The following ATR variants were observed in gnomAD, a reference collection of about 807,000 sequenced individuals.
ATR encodes the protein ATR checkpoint kinase.
In ATR, 142 loss-of-function variants were observed where a neutral mutation model predicts 305.3. That is an observed-to-expected ratio of 0.47 (90% CI 0.41 to 0.53). The LOEUF (loss-of-function observed/expected upper bound fraction) is 0.53. ATR is among the 20% of genes least tolerant of loss of function. The probability of loss-of-function intolerance (pLI) is 0.00; values close to 1 mark genes in which losing one functional copy is unlikely to be tolerated. For missense variants in ATR, 2,135 were observed against 3,133.1 expected (o/e 0.68, Z 7.60); for synonymous variants, 1,050 against 1,068.1 (o/e 0.98, Z 0.33).
At chr3:142,549,819 A>G in intron 14 of ATR, 146 bp from the exon 15 acceptor site, 1 of 768,940 alleles carries the variant, frequency 1.3e-6, no homozygotes. Flanking sequence ...TAGATCATTT[A>G]TACCACTATA....
chr3:142,505,378 T>C, intron 28 of ATR, 75 bp from the exon 29 acceptor site: 9 of 1,563,172 alleles, frequency 5.8e-6, no homozygotes, highest in Non-Finnish European at 7.8e-6. Context: ...AAACCACCTG[T>C]TTATATTGAA....
chr3:142,554,043 A>ATTTAACAT (rs2034575149), intron 10 of ATR, 28 bp from the exon 11 acceptor site: 1 of 1,530,856 alleles, frequency 6.5e-7, no homozygotes, highest in African/African-American at 1.4e-5. Flanking sequence ...ACAATACCTA[A>ATTTAACAT]TTTAACATAT....
At chr3:142,542,848 T>C in intron 16 of ATR, 91 bp from the exon 17 acceptor site, 1 of 1,052,810 alleles carries the variant, frequency 9.5e-7, no homozygotes, top group East Asian at 2.6e-5. Context: ...TCATTTATAT[T>C]TTACCTAACT....
intron 19 of ATR, among the ~76,000 whole-genome samples, chr3:142,537,255 A>T (rs1489723518): frequency 2.0e-5 from 3 of 148,362 alleles, no homozygotes; most frequent in Non-Finnish European, 4.5e-5. Flanking sequence ...TTTTTTTTTT[A>T]AATGTTTCTG....
At chr3:142,510,696 TTAGA>T (rs2032507682) in intron 27 of ATR, among the ~76,000 whole-genome samples, 1 of 144,004 alleles carries the variant, frequency 6.9e-6, no homozygotes, top group Non-Finnish European at 1.5e-5. Context: ...TTAAGGACTG[TTAGA>T]TAGTTTTTCA....
At position 142,559,268 on chromosome 3, in the gene ATR, G is replaced by A. The variant is rs2108479431; in HGVS notation, c.1715C>T (p.Ala572Val). The change falls in exon 7 of 47, where the codon GCT (alanine) becomes GTT (valine). Residue 572 changes from alanine to valine, a missense_variant. Ala to Val is a moderately conservative substitution (Grantham distance 64). Transcript: ENST00000350721. ...TIDKVVKIYD[A>V]LIYMQVNSSF... ...GTACTCACCTTGCATATAAATCAAAGCATCATAAATTTTCACCACCTTATC... is the reference window on the plus strand; with the variant it reads ...GTACTCACCTTGCATATAAATCAAAACATCATAAATTTTCACCACCTTATC... The A allele has an allele frequency of 6.2e-7, 1 of 1,613,692 alleles. No individual in the cohort carries two copies. Among genetic ancestry groups the A allele is most frequent in the Non-Finnish European group, 8.5e-7 (1 of 1,179,794 alleles).
At chr3:142,519,913 A>G (rs756425825) in intron 23 of ATR, 129 bp from the exon 24 acceptor site, 5 of 759,094 alleles carry the variant, frequency 6.6e-6, no homozygotes, top group Non-Finnish European at 1.1e-5. Flanking sequence ...CGCTTTATTT[A>G]TGCTTCATGG....
At chr3:142,497,966 G>A (rs918274715) in intron 32 of ATR, among the ~76,000 whole-genome samples, 1 of 152,094 alleles carries the variant, frequency 6.6e-6, no homozygotes, top group Non-Finnish European at 1.5e-5. Flanking sequence ...TAGCTGAGTA[G>A]CTACAGAACA....
chr3:142,471,890 T>C (rs887057272), intron 36 of ATR, among the ~76,000 whole-genome samples: 2 of 152,186 alleles, frequency 1.3e-5, no homozygotes, highest in African/African-American at 4.8e-5. Context: ...AACTCCTCAC[T>C]ACTCCAACCC....
chr3:142,566,343 G>C (rs2108494986), intron 2 of ATR, 82 bp from the exon 3 acceptor site: 2 of 1,484,566 alleles, frequency 1.3e-6, no homozygotes, highest in Admixed American at 3.5e-5. Flanking sequence ...TGTGGGCCAG[G>C]CAAGGTGCCT....
intron 30 of ATR, among the ~76,000 whole-genome samples, chr3:142,503,004 G>A (rs76458322): frequency 0.019 from 2,856 of 152,272 alleles, 33 homozygotes; most frequent in South Asian, 0.041. Context: ...GTGGTATTCC[G>A]TAAATCAGTC....
intron 23 of ATR, among the ~76,000 whole-genome samples, chr3:142,520,742 G>GA (rs1330209275): frequency 6.6e-6 from 1 of 152,114 alleles, no homozygotes; most frequent in East Asian, 1.9e-4. Flanking sequence ...CAAAAAGTTT[G>GA]AAGCAAACAG....
rs148465901 is a variant in ATR, at chr3:142,493,188, G to A, written c.6022C>T (p.Arg2008Ter). Residue 2008 changes from arginine to a stop codon, truncating the protein, a stop_gained, in exon 35 of 47, where the codon CGA becomes TGA. Transcript: ENST00000350721. LOFTEE classifies it high-confidence loss of function. Reference protein sequence around the residue: ...IHGRAMLLVGRFMEETANFES... With the variant: ...IHGRAMLLVG ...AAGTTAGCTGTTTCTTCCATAAATC[G>A]GCCCACTAGTAGCATAGCTCGACCA... 2.5e-6 allele frequency: 4 copies of A among 1,612,042 alleles called. No individual in the cohort carries two copies. The highest frequency in any genetic ancestry group is 1.3e-5 in the African/African-American group (1 of 74,782).
intron 6 of ATR, 143 bp downstream of exon 6, chr3:142,560,120 A>T: frequency 1.3e-6 from 1 of 786,542 alleles, no homozygotes; most frequent in Non-Finnish European, 2.2e-6. Flanking sequence ...CTAGCATTTG[A>T]CTCAATAGAA....
intron 36 of ATR, among the ~76,000 whole-genome samples, chr3:142,482,265 T>C (rs978501275): frequency 1.3e-5 from 2 of 152,214 alleles, no homozygotes; most frequent in African/African-American, 4.8e-5. Flanking sequence ...AATTATTCAG[T>C]CAGGGGATAA....
At chr3:142,527,963 G>T (rs1383560275) in intron 21 of ATR, among the ~76,000 whole-genome samples, 1 of 152,110 alleles carries the variant, frequency 6.6e-6, no homozygotes, top group Non-Finnish European at 1.5e-5. Context: ...GAATACCAAA[G>T]GTTGCCAGCA....
chr3:142,452,501 C>A, intron 46 of ATR: 1 of 660,630 alleles, frequency 1.5e-6, no homozygotes, highest in Non-Finnish European at 1.9e-6. Flanking sequence ...ATGGTGAAAC[C>A]CATCTCTACT....
intron 44 of ATR, among the ~76,000 whole-genome samples, chr3:142,458,448 C>T (rs959742390): frequency 2.0e-5 from 3 of 152,188 alleles, no homozygotes; most frequent in Admixed American, 6.5e-5. Flanking sequence ...ACCTACCAGT[C>T]TGCCCTGCAG....
chr3:142,539,707 C>T (rs1010716093), intron 18 of ATR, among the ~76,000 whole-genome samples: 2 of 152,120 alleles, frequency 1.3e-5, no homozygotes, highest in African/African-American at 4.8e-5. Context: ...GATCCTTCCA[C>T]CTCAGCTTCC....
Sources: allele counts gnomAD v4.1 joint callset (sites outside exome capture counted in the v4.1 genomes callset), GRCh38; gene constraint gnomAD v4.1.1; transcripts MANE v1.5; gene names NCBI Gene and HGNC (gene_info 2026-07-23, HGNC 2026-07-21).